KLHDC4: variants seen among roughly 807,000 people sequenced by gnomAD.
KLHDC4 encodes the protein kelch domain-containing protein 4.
In KLHDC4, 90 loss-of-function variants were observed where a neutral mutation model predicts 62.4. The observed-to-expected ratio is 1.44, with a 90% CI of 1.22 to 1.72. KLHDC4 has a LOEUF of 1.72. Among genes scored for constraint, KLHDC4 ranks in the 40% most tolerant of loss-of-function variants. KLHDC4 has a pLI of 0.00. For synonymous variants in KLHDC4, 386 were observed against 284.4 expected, an observed-to-expected ratio of 1.36 and a Z score of -3.59; for missense variants, 1,025 against 699.7, an observed-to-expected ratio of 1.47 and a Z score of -5.25.
intron 4 of KLHDC4, among the ~76,000 whole-genome samples, chr16:87,753,811 A>T (rs2044412080): frequency 6.6e-6 from 1 of 151,114 alleles, no homozygotes; most frequent in Admixed American, 6.6e-5. Flanking sequence ...CAAGGAGAAA[A>T]AAAAAAAAAA....
intron 1 of KLHDC4, chr16:87,763,735 T>C (rs1191807319): frequency 6.6e-6 from 1 of 152,280 alleles, no homozygotes; most frequent in Admixed American, 6.5e-5. Context: ...AAAGCTTTGC[T>C]GCTGCTACTT....
chr16:87,756,554 T>A, intron 2 of KLHDC4, 77 bp from the exon 3 acceptor site: 2 of 1,052,076 alleles, frequency 1.9e-6, no homozygotes, highest in Non-Finnish European at 2.9e-6. Context: ...CCTCACAGAA[T>A]CCTCTGTCAC....
At chr16:87,701,864 A>T (rs898870546) in exon 1 of KLHDC4, 1 of 456,576 alleles carries the variant, frequency 2.2e-6, no homozygotes, top group Non-Finnish European at 4.4e-6. Context: ...CACACCGAGG[A>T]AGCCTCTTCG....
chr16:87,756,115 CACAG>C (rs2044845610), intron 3 of KLHDC4: 2 of 283,738 alleles, frequency 7.0e-6, no homozygotes, highest in South Asian at 1.3e-4. Context: ...GGAAGAACAG[CACAG>C]ACAACCACAA....
In KLHDC4 at chr16:87,714,552, T is replaced by G. The variant is rs1661256826; in HGVS notation, c.781A>C (p.Lys261Gln). ...SKQRVKKDVD[K>Q]GTRHSDMFLL... ...AACATGTCTGAGTGCCGTGTGCCCT[T>G]GTCCACGTCTTTCTTAACTCTCTGC... The change falls in exon 8 of 12, where the codon AAG (lysine) becomes CAG (glutamine). Residue 261 changes from lysine (K) to glutamine (Q), a missense_variant. Physicochemically the swap from Lys to Gln is moderately conservative, Grantham distance 53. Coordinates refer to ENST00000270583, the MANE Select transcript of KLHDC4 (RefSeq NM_017566.4). 6.2e-7 allele frequency: 1 copy of G among 1,614,188 alleles called. No individual in the cohort carries two copies.
chr16:87,761,355 C>T (rs369634699), intron 2 of KLHDC4, among the ~76,000 whole-genome samples: 1 of 152,194 alleles, frequency 6.6e-6, no homozygotes, highest in Non-Finnish European at 1.5e-5. Flanking sequence ...GGCTGAACCC[C>T]GGCTTCCACT....
intron 5 of KLHDC4, among the ~76,000 whole-genome samples, chr16:87,743,678 T>G (rs949849454): frequency 6.6e-6 from 1 of 151,378 alleles, no homozygotes; most frequent in Admixed American, 6.6e-5. Context: ...AGGCGGAGCT[T>G]GCAGTGAGCC....
At position 87,714,575 on chromosome 16, in the gene KLHDC4, TG is replaced by T. The variant is rs1567672734; in HGVS notation, c.760-3del. On this transcript the variant is annotated splice_polypyrimidine_tract_variant and splice_region_variant and intron_variant, in intron 7 of 11. Coordinates refer to ENST00000270583, the MANE Select transcript of KLHDC4 (RefSeq NM_017566.4). The stretch of plus-strand genomic sequence containing the variant: ...CTTGTCCACGTCTTTCTTAACTCTC[TG>T]CAATGGAAAGGAATTGTGTGAGAAC... The T allele has an allele frequency of 6.2e-7, 1 of 1,614,092 alleles. No individual in the cohort carries two copies. The highest frequency in any genetic ancestry group is 2.2e-5 in the East Asian group (1 of 44,874).
At chr16:87,710,963 G>T in intron 9 of KLHDC4, 1 of 450,382 alleles carries the variant, frequency 2.2e-6, no homozygotes, top group Non-Finnish European at 4.1e-6. Context: ...CTCACACAGA[G>T]GGCCGGGGAG....
chr16:87,728,708 C>T (rs537098097), intron 6 of KLHDC4, among the ~76,000 whole-genome samples: 23 of 152,106 alleles, frequency 1.5e-4, no homozygotes, highest in African/African-American at 5.1e-4. Flanking sequence ...AGGCTAGGCG[C>T]GGGGGCTCAA....
At chr16:87,713,967 T>C (rs1471821416) in intron 8 of KLHDC4, among the ~76,000 whole-genome samples, 1 of 152,078 alleles carries the variant, frequency 6.6e-6, no homozygotes, top group African/African-American at 2.4e-5. Context: ...AGGCCGTCCC[T>C]GTGAGGGCCA....
chr16:87,700,922 A>G (rs2034116954), exon 1 of KLHDC4: 2 of 255,326 alleles, frequency 7.8e-6, no homozygotes, highest in Non-Finnish European at 1.6e-5. Flanking sequence ...CAGTCAACTC[A>G]GGCACCTGGT....
intron 2 of KLHDC4, among the ~76,000 whole-genome samples, chr16:87,761,168 G>C (rs774245799): frequency 2.6e-5 from 4 of 152,218 alleles, no homozygotes; most frequent in Non-Finnish European, 5.9e-5. Context: ...CTGGCCTTTG[G>C]GAGTGGCTCC....
chr16:87,764,261 C>T (rs1290692652), intron 1 of KLHDC4, among the ~76,000 whole-genome samples: 1 of 152,138 alleles, frequency 6.6e-6, no homozygotes, highest in Non-Finnish European at 1.5e-5. Context: ...AACATACAAA[C>T]CCCAGGCCTG....
chr16:87,717,369 C>T (rs547775735), intron 7 of KLHDC4, among the ~76,000 whole-genome samples: 10 of 152,304 alleles, frequency 6.6e-5, no homozygotes, highest in African/African-American at 2.4e-4. Context: ...CTAACATGTA[C>T]TGTATTTACT....
intron 1 of KLHDC4, chr16:87,763,715 A>G (rs1294707587): frequency 6.6e-6 from 1 of 152,238 alleles, no homozygotes; most frequent in Non-Finnish European, 1.5e-5. Context: ...ACTAACGTCT[A>G]TGTACCGCGA....
Position 87,746,330 on chromosome 16 carries a change from G to A in KLHDC4, c.506+2343C>T, listed in dbSNP as rs367906648. 2.6e-5 allele frequency among the ~76,000 whole-genome samples: 4 copies of A among 151,658 alleles called. No homozygotes were observed. The East Asian group carries it at 5.8e-4, about 22-fold the overall frequency. ...GAGAGAGAGAGAAAAGAGACAGAGA[G>A]GAGAAAAAGACAAGACCACAAAGAG... On this transcript the variant is annotated intron_variant, in intron 5 of 11. Coordinates refer to ENST00000270583, the MANE Select transcript of KLHDC4 (RefSeq NM_017566.4).
intron 5 of KLHDC4, among the ~76,000 whole-genome samples, chr16:87,731,479 A>G (rs996098747): frequency 2.6e-5 from 4 of 151,550 alleles, no homozygotes; most frequent in Non-Finnish European, 5.9e-5. Flanking sequence ...AGATGGAAAA[A>G]GGCCAATGAA....
intron 8 of KLHDC4, among the ~76,000 whole-genome samples, chr16:87,713,291 C>T (rs1242693198): frequency 1.3e-5 from 2 of 152,090 alleles, no homozygotes. Context: ...GCTCCACCTC[C>T]GAGGTTCACG....
Sources: allele counts gnomAD v4.1 joint callset (sites outside exome capture counted in the v4.1 genomes callset), GRCh38; gene constraint gnomAD v4.1.1; transcripts MANE v1.5; gene names NCBI Gene and HGNC (gene_info 2026-07-23, HGNC 2026-07-21).